Variants in PTPN14 observed in about 807,000 individuals in gnomAD.
PTPN14 encodes the protein protein tyrosine phosphatase non-receptor type 14.
A neutral mutation model predicts 126.8 loss-of-function variants in PTPN14; 53 were observed. The observed-to-expected ratio is 0.42, with a 90% CI of 0.34 to 0.53. PTPN14 has a LOEUF of 0.53. Among genes scored for constraint, PTPN14 ranks in the 20% least tolerant of loss-of-function variants. The probability of loss-of-function intolerance (pLI) is 0.08; values close to 1 mark genes in which losing one functional copy is unlikely to be tolerated. For synonymous variants in PTPN14, 630 were observed against 599.3 expected, an observed-to-expected ratio of 1.05 and a Z score of -0.75; for missense variants, 1,257 against 1,552.9, an observed-to-expected ratio of 0.81 and a Z score of 3.20.
intron 3 of PTPN14, among the ~76,000 whole-genome samples, chr1:214,441,703 C>G (rs1018652816): frequency 6.6e-6 from 1 of 152,202 alleles, no homozygotes; most frequent in African/African-American, 2.4e-5. Context: ...TCATAAGGCA[C>G]AGCCTGCATG....
intron 3 of PTPN14, among the ~76,000 whole-genome samples, chr1:214,442,337 G>A (rs2102622161): frequency 6.6e-6 from 1 of 152,244 alleles, no homozygotes; most frequent in Non-Finnish European, 1.5e-5. Flanking sequence ...TCATGTTGGT[G>A]CTCAAAAAGT....
chr1:214,455,808 T>C (rs1303108919), intron 2 of PTPN14, among the ~76,000 whole-genome samples: 1 of 152,158 alleles, frequency 6.6e-6, no homozygotes, highest in Non-Finnish European at 1.5e-5. Flanking sequence ...AGTGGCAGGT[T>C]GGTGTGTGGA....
intron 17 of PTPN14, among the ~76,000 whole-genome samples, chr1:214,365,686 A>G (rs760868295): frequency 7.2e-5 from 11 of 152,196 alleles, no homozygotes; most frequent in Non-Finnish European, 1.5e-4. Flanking sequence ...ACATATATAA[A>G]TAATCCATAC....
Position 214,377,984 on chromosome 1 carries a change from G to A in PTPN14, c.2663C>T (p.Ala888Val), listed in dbSNP as rs1658382404. ...VSGREENRVD[A>V]TRVPMDERFR... ...CCTCTCGTCCATGGGAACCCGGGTG[G>A]CATCAACTCGATTCTCTTCCCGCCC... is the stretch of plus-strand genomic sequence containing the variant. Residue 888 changes from alanine (A) to valine (V), a missense_variant, in exon 14 of 19, where the codon GCC (alanine) becomes GTC (valine). By Grantham distance (64) the Ala-to-Val change is moderately conservative (BLOSUM62 0). Around this residue, in one of 3 missense-constraint regions of PTPN14, gnomAD observed 1,021 missense variants for 1,183.3 expected, o/e 0.86. Transcript: ENST00000366956. 1 of 1,613,028 alleles carries A rather than the reference G, an allele frequency of 6.2e-7. No homozygotes were observed.
chr1:214,394,645 TG>T (rs1173404948), intron 9 of PTPN14, among the ~76,000 whole-genome samples: 6 of 152,196 alleles, frequency 3.9e-5, no homozygotes, highest in Non-Finnish European at 8.8e-5. Flanking sequence ...TGACCTCAAG[TG>T]ATCCACCGGC....
intron 5 of PTPN14, 87 bp downstream of exon 5, chr1:214,411,597 T>C: frequency 2.0e-6 from 2 of 996,222 alleles, no homozygotes; most frequent in Non-Finnish European, 3.0e-6. Context: ...GGAATATGCA[T>C]ATGTAAAATC....
chr1:214,383,902 C>T lies in PTPN14; in HGVS notation c.1953G>A (p.Arg651=). Residue 651 remains arginine (R), a synonymous_variant, in exon 13 of 19, where the codon CGG becomes CGA. Coordinates refer to ENST00000366956, the MANE Select transcript of PTPN14 (RefSeq NM_005401.5). The surrounding 1 kb of genome is among the most constrained non-coding windows in gnomAD (Gnocchi z 4.4). ...ACTTGAGCGTCATGGCCTCCATGCC[C>T]CGCACCATGCTGTTCATCACCTCCA... ...HSLEVMNSMV[R]GMEAMTLKSL... 1 of 1,613,418 alleles carries T rather than the reference C, an allele frequency of 6.2e-7. No individual in the cohort carries two copies. The highest frequency in any genetic ancestry group is 8.5e-7 in the Non-Finnish European group (1 of 1,180,012).
chr1:214,397,735 C>T (rs573557344), intron 8 of PTPN14, among the ~76,000 whole-genome samples, 178 bp downstream of exon 8: 3 of 152,238 alleles, frequency 2.0e-5, no homozygotes, highest in African/African-American at 7.2e-5. Flanking sequence ...TGGGTTTCTA[C>T]GAAAAGTGAG....
At chr1:214,365,054 G>C (rs1658049238) in intron 17 of PTPN14, among the ~76,000 whole-genome samples, 1 of 152,048 alleles carries the variant, frequency 6.6e-6, no homozygotes, top group Non-Finnish European at 1.5e-5. Context: ...ACTGGGATCA[G>C]AACAACTGCT....
intron 3 of PTPN14, among the ~76,000 whole-genome samples, chr1:214,438,543 G>A (rs755107135): frequency 6.6e-6 from 1 of 152,200 alleles, no homozygotes; most frequent in Non-Finnish European, 1.5e-5. Flanking sequence ...TTTGTTTTGA[G>A]GGAGTAATTC....
At position 214,376,205 on chromosome 1, in the gene PTPN14, G is replaced by C; in HGVS notation, c.2907+14C>G. The C allele has an allele frequency of 6.2e-7, 1 of 1,605,656 alleles. No homozygotes were observed. On this transcript the variant is annotated intron_variant, in intron 15 of 18. Transcript: ENST00000366956. ...CCATCTTTACCAAACCTTCTAACAG[G>C]CTTGCCTTCTTACCTTGATGTGGGA... is the stretch of plus-strand genomic sequence containing the variant.
rs1658385293 is a variant in PTPN14 at position 214,378,053 on chromosome 1, A to G, written c.2594T>C (p.Leu865Pro). The G allele has an allele frequency of 1.9e-6, 3 of 1,612,290 alleles. No homozygotes were observed. Among genetic ancestry groups the G allele is most frequent in the Non-Finnish European group, 2.5e-6 (3 of 1,179,940 alleles). The change falls in exon 14 of 19, where the codon CTG becomes CCG. Residue 865 changes from leucine to proline, a missense_variant. Coordinates refer to ENST00000366956, the MANE Select transcript of PTPN14 (RefSeq NM_005401.5). ...MAGLEAQKRP[L>P]MLAALNGLSV... ...GAGCCCATTCAATGCTGCCAACATCAGCGGCCTCTTCTGTGCCTCCAGGCC... is the reference window on the plus strand; with the variant it reads ...GAGCCCATTCAATGCTGCCAACATCGGCGGCCTCTTCTGTGCCTCCAGGCC...
At chr1:214,476,789 G>A (rs1660876548) in intron 1 of PTPN14, among the ~76,000 whole-genome samples, 1 of 152,176 alleles carries the variant, frequency 6.6e-6, no homozygotes, top group African/African-American at 2.4e-5. Context: ...GATGAAAACA[G>A]TCCCCACCAC....
chr1:214,447,153 G>A (rs1031876030), intron 3 of PTPN14, among the ~76,000 whole-genome samples: 7 of 151,938 alleles, frequency 4.6e-5, no homozygotes, highest in East Asian at 3.9e-4. Context: ...TCATTAACCC[G>A]CTCCTAATGA....
chr1:214,507,237 G>A (rs1293994352), intron 1 of PTPN14, among the ~76,000 whole-genome samples: 1 of 152,128 alleles, frequency 6.6e-6, no homozygotes, highest in Non-Finnish European at 1.5e-5. Flanking sequence ...TCAAAGATTA[G>A]GTGTATCTCT....
rs150804609 is a variant in PTPN14, at chr1:214,495,180, T to C, written c.-154-30223A>G. 4.1e-3 allele frequency among the ~76,000 whole-genome samples: 620 copies of C among 152,346 alleles called. 4 individuals carry two copies. The highest frequency in any genetic ancestry group is 0.014 in the African/African-American group (575 of 41,580). Reference sequence around the variant, plus strand: ...TGAATTTCAATACTATGTTTGAATTTCAGCCAACTGTAAAATCTTTGGCAT... The same window carrying C: ...TGAATTTCAATACTATGTTTGAATTCCAGCCAACTGTAAAATCTTTGGCAT... On this transcript the variant is annotated intron_variant, in intron 1 of 18. Coordinates refer to ENST00000366956, the MANE Select transcript of PTPN14 (RefSeq NM_005401.5).
At chr1:214,378,186 C>T in intron 13 of PTPN14, 84 bp from the exon 14 acceptor site, 2 of 1,447,268 alleles carry the variant, frequency 1.4e-6, no homozygotes, top group South Asian at 1.4e-5. Context: ...AAATCTGTAA[C>T]TCCCCAGCCA....
At chr1:214,366,072 G>C (rs1352034430) in intron 17 of PTPN14, among the ~76,000 whole-genome samples, 1 of 152,212 alleles carries the variant, frequency 6.6e-6, no homozygotes, top group African/African-American at 2.4e-5. Flanking sequence ...CAGCTACTCA[G>C]GAGGCTGAGA....
chr1:214,535,332 CAT>C (rs1655676423), intron 1 of PTPN14, among the ~76,000 whole-genome samples: 1 of 152,120 alleles, frequency 6.6e-6, no homozygotes, highest in Admixed American at 6.5e-5. Flanking sequence ...GCTTCAATGA[CAT>C]AAAGATTAGT....
Sources: allele counts gnomAD v4.1 joint callset (sites outside exome capture counted in the v4.1 genomes callset), GRCh38; gene constraint gnomAD v4.1.1; regional missense constraint gnomAD v4.1.1; non-coding constraint Gnocchi (gnomAD v3.1); transcripts MANE v1.5; gene names NCBI Gene and HGNC (gene_info 2026-07-23, HGNC 2026-07-21).